RANBP9: variants seen among roughly 807,000 people sequenced by gnomAD.
RANBP9 encodes the protein ran-binding protein 9.
RANBP9 carries 15 observed loss-of-function variants against 84.3 expected under a neutral mutation model. The ratio of observed to expected loss-of-function variants is 0.18; its 90% CI spans 0.12 to 0.27. RANBP9 has a LOEUF of 0.27. Ranked by LOEUF, RANBP9 falls within the 10% of genes least tolerant of loss-of-function variation. The pLI is 1.00. For missense variants in RANBP9, 809 were observed against 912.8 expected, an observed-to-expected ratio of 0.89 and a Z score of 1.46; for synonymous variants, 392 against 349.6, an observed-to-expected ratio of 1.12 and a Z score of -1.35.
intron 9 of RANBP9, among the ~76,000 whole-genome samples, chr6:13,638,652 G>A (rs886455965): frequency 2.0e-5 from 3 of 151,928 alleles, no homozygotes; most frequent in South Asian, 4.1e-4. Context: ...GAAACATTGC[G>A]AGACTCCAAC....
At position 13,688,455 on chromosome 6, in the gene RANBP9, A is replaced by T. The variant is rs535093015; in HGVS notation, c.683+8330T>A. On this transcript the variant is annotated intron_variant, in intron 2 of 13. Coordinates refer to ENST00000011619, the MANE Select transcript of RANBP9 (RefSeq NM_005493.3). ...GTTACCTCCTCCAACATACTTCTCTAATTTGTTTATATGTCTACTACTGTG... is the reference window on the plus strand; with the variant it reads ...GTTACCTCCTCCAACATACTTCTCTTATTTGTTTATATGTCTACTACTGTG... 3.1e-3 allele frequency among the ~76,000 whole-genome samples: 465 copies of T among 152,172 alleles called. 12 individuals are homozygous for T. Among genetic ancestry groups the T allele is most frequent in the Middle Eastern group, 0.024 (7 of 294 alleles).
chr6:13,656,781 C>T (rs1408408244), intron 4 of RANBP9, among the ~76,000 whole-genome samples: 3 of 152,122 alleles, frequency 2.0e-5, no homozygotes, highest in Non-Finnish European at 4.4e-5. Context: ...CACCTGTTAC[C>T]CAGAGAATTA....
chr6:13,646,363 T>G (rs148753955), intron 5 of RANBP9, among the ~76,000 whole-genome samples: 2 of 152,156 alleles, frequency 1.3e-5, no homozygotes, highest in African/African-American at 4.8e-5. Flanking sequence ...GAGCCGAGAT[T>G]GTGCCACTGC....
chr6:13,708,367 A>G (rs1404632218), intron 1 of RANBP9, among the ~76,000 whole-genome samples: 1 of 152,194 alleles, frequency 6.6e-6, no homozygotes, highest in Non-Finnish European at 1.5e-5. Flanking sequence ...TCTAGACTGC[A>G]GTGAGCCATG....
chr6:13,687,243 T>C (rs938367423), intron 2 of RANBP9, among the ~76,000 whole-genome samples: 1 of 152,148 alleles, frequency 6.6e-6, no homozygotes, highest in African/African-American at 2.4e-5. Flanking sequence ...CTAAATCCCA[T>C]TTATTTTTAG....
chr6:13,709,368 T>G (rs1758214724), intron 1 of RANBP9, among the ~76,000 whole-genome samples: 1 of 152,072 alleles, frequency 6.6e-6, no homozygotes, highest in Non-Finnish European at 1.5e-5. Context: ...AAATCTAGAA[T>G]TCTTTGTTCA....
At chr6:13,705,927 T>C (rs1224990656) in intron 1 of RANBP9, among the ~76,000 whole-genome samples, 2 of 151,124 alleles carry the variant, frequency 1.3e-5, no homozygotes, top group African/African-American at 2.4e-5. Context: ...TAACAGACAT[T>C]TGCACTTGTA....
intron 1 of RANBP9, among the ~76,000 whole-genome samples, chr6:13,707,945 G>A (rs763374772): frequency 2.4e-4 from 36 of 152,188 alleles, no homozygotes; most frequent in Admixed American, 1.8e-3. Context: ...TAGTTGTTGT[G>A]TGACTGCTAA....
chr6:13,694,599 G>C (rs1766398845), intron 2 of RANBP9, among the ~76,000 whole-genome samples: 16 of 152,156 alleles, frequency 1.1e-4, no homozygotes, highest in Admixed American at 1.0e-3. Context: ...GCTTTCCTCA[G>C]TGTTTCAGTT....
chr6:13,667,741 G>C (rs144723515), intron 2 of RANBP9, among the ~76,000 whole-genome samples: 62 of 152,208 alleles, frequency 4.1e-4, no homozygotes, highest in African/African-American at 1.4e-3. Flanking sequence ...CATGGCCTAG[G>C]TGTTTAATAA....
intron 2 of RANBP9, among the ~76,000 whole-genome samples, chr6:13,689,083 G>A (rs898802358): frequency 1.3e-5 from 2 of 150,888 alleles, no homozygotes; most frequent in African/African-American, 2.4e-5. Flanking sequence ...CTTAAGTAAG[G>A]GAGGTCAAGG....
At chr6:13,678,995 TAAAAC>T (rs1765964422) in intron 2 of RANBP9, among the ~76,000 whole-genome samples, 1 of 152,078 alleles carries the variant, frequency 6.6e-6, no homozygotes, top group South Asian at 2.1e-4. Flanking sequence ...GTAAGAAACT[TAAAAC>T]TAAAGTAACA....
Position 13,683,995 on chromosome 6 carries a change from G to C in RANBP9, c.683+12790C>G, listed in dbSNP as rs1193535477. 5.3e-5 allele frequency among the ~76,000 whole-genome samples: 8 copies of C among 151,976 alleles called. No individual in the cohort carries two copies. In the East Asian group the frequency reaches 1.2e-3, roughly 22 times the overall value. ...AAATGTGGCTCCTACCATTCTTAATGGTTTTTAGAACATATCCAAAATCCA... is the reference window on the plus strand; with the variant it reads ...AAATGTGGCTCCTACCATTCTTAATCGTTTTTAGAACATATCCAAAATCCA... On this transcript the variant is annotated intron_variant, in intron 2 of 13. Transcript: ENST00000011619.
chr6:13,623,652 T>C (rs1764521687), intron 13 of RANBP9, among the ~76,000 whole-genome samples: 1 of 152,176 alleles, frequency 6.6e-6, no homozygotes, highest in Non-Finnish European at 1.5e-5. Context: ...GCGATGCATC[T>C]TTAACTTTTT....
chr6:13,624,757 C>T (rs763964845), intron 13 of RANBP9, among the ~76,000 whole-genome samples: 1 of 152,162 alleles, frequency 6.6e-6, no homozygotes, highest in African/African-American at 2.4e-5. Context: ...GGCTAAGCCT[C>T]GCCTTTTAAA....
chr6:13,692,554 A>C lies in RANBP9; in HGVS notation c.683+4231T>G, dbSNP rs867648403. ...AAAAAAAAAAAAAAAAAAAAAAAAA[A>C]CACAAAAAACAAAAAGGCAGGGCAC... On this transcript the variant is annotated intron_variant, in intron 2 of 13. Transcript: ENST00000011619. Among the ~76,000 whole-genome samples the C allele has an allele frequency of 2.1e-3, 294 of 138,772 alleles. 1 individual carries two copies. Among genetic ancestry groups the C allele is most frequent in the African/African-American group, 7.3e-3 (273 of 37,154 alleles). 91.0% of individuals were successfully genotyped at this position (138,772 alleles called of 152,430 possible). A position where few individuals can be genotyped will look rare whatever the true frequency, so the allele number is the denominator to read the frequency against.
chr6:13,666,788 T>C (rs755296834), intron 2 of RANBP9, among the ~76,000 whole-genome samples: 41 of 151,960 alleles, frequency 2.7e-4, no homozygotes, highest in Middle Eastern at 6.8e-3. Flanking sequence ...AAAATTGTTA[T>C]GGAATAAATA....
At chr6:13,658,729 C>T (rs1477204632) in intron 3 of RANBP9, 51 bp downstream of exon 3, 2 of 1,382,776 alleles carry the variant, frequency 1.4e-6, no homozygotes, top group Middle Eastern at 1.8e-4. Context: ...AAAATTTAAC[C>T]AGAAAGAGCT....
At chr6:13,652,257 C>A (rs191141440) in intron 5 of RANBP9, among the ~76,000 whole-genome samples, 1 of 152,282 alleles carries the variant, frequency 6.6e-6, no homozygotes. Context: ...AGGGCAGAGA[C>A]CTTTACTACC....
Sources: allele counts gnomAD v4.1 joint callset (sites outside exome capture counted in the v4.1 genomes callset), GRCh38; gene constraint gnomAD v4.1.1; transcripts MANE v1.5; gene names NCBI Gene and HGNC (gene_info 2026-07-23, HGNC 2026-07-21).